The following SUPT3H variants were observed in gnomAD, a reference collection of about 807,000 sequenced individuals.
SUPT3H encodes SPT3 homolog, SAGA and STAGA complex component.
Under a neutral mutation model 44.3 loss-of-function variants are expected in SUPT3H, and 44 were observed. That is an observed-to-expected ratio of 0.99 (90% confidence interval 0.78 to 1.28). The LOEUF (loss-of-function observed/expected upper bound fraction) is 1.28. Ranked by LOEUF, SUPT3H falls within the 50% of genes most tolerant of loss-of-function variation. SUPT3H has a pLI of 0.00. For synonymous variants in SUPT3H, 124 were observed against 125.6 expected (o/e 0.99, Z 0.09); for missense variants, 380 against 387.1 (o/e 0.98, Z 0.15).
chr6:44,952,654 A>G (rs1262694752), intron 9 of SUPT3H, among the ~76,000 whole-genome samples: 5 of 152,242 alleles, frequency 3.3e-5, no homozygotes, highest in Non-Finnish European at 1.5e-5. Context: ...ATTGGCAAAT[A>G]CATTCAAGAC....
chr6:45,094,532 A>G (rs1360593442), intron 3 of SUPT3H, among the ~76,000 whole-genome samples: 1 of 152,136 alleles, frequency 6.6e-6, no homozygotes, highest in Non-Finnish European at 1.5e-5. Flanking sequence ...GAGTGGGAGA[A>G]AGGACTGGGA....
chr6:44,921,123 TCC>T (rs1164671781), intron 10 of SUPT3H, among the ~76,000 whole-genome samples: 1 of 152,172 alleles, frequency 6.6e-6, no homozygotes, highest in Non-Finnish European at 1.5e-5. Flanking sequence ...CATACCTCCC[TCC>T]CAATATATTT....
intron 2 of SUPT3H, among the ~76,000 whole-genome samples, chr6:45,179,151 C>A (rs1189161831): frequency 6.6e-6 from 1 of 152,160 alleles, no homozygotes; most frequent in Non-Finnish European, 1.5e-5. Context: ...AATTCCTCGA[C>A]ACGTACACTC....
At chr6:45,065,047 C>G (rs973943167) in intron 3 of SUPT3H, among the ~76,000 whole-genome samples, 200 of 150,774 alleles carry the variant, frequency 1.3e-3, no homozygotes, top group African/African-American at 4.6e-3. Flanking sequence ...CAAAATTGAC[C>G]ACATACTGGG....
intron 2 of SUPT3H, among the ~76,000 whole-genome samples, chr6:45,251,365 AC>A (rs1772343237): frequency 6.6e-6 from 1 of 150,966 alleles, no homozygotes; most frequent in Non-Finnish European, 1.5e-5. Context: ...TCTTCTTTAA[AC>A]TTATTCTAAA....
chr6:44,989,721 C>A (rs554361887), intron 6 of SUPT3H, among the ~76,000 whole-genome samples: 1 of 152,158 alleles, frequency 6.6e-6, no homozygotes, highest in South Asian at 2.1e-4. Flanking sequence ...CATCTCACTG[C>A]AGCTTTGATT....
chr6:45,092,151 T>A (rs1797201493), intron 3 of SUPT3H, among the ~76,000 whole-genome samples: 1 of 152,146 alleles, frequency 6.6e-6, no homozygotes, highest in Non-Finnish European at 1.5e-5. Flanking sequence ...CTTATCAGCA[T>A]CTGCCTTATT....
intron 4 of SUPT3H, among the ~76,000 whole-genome samples, chr6:45,016,340 AT>A (rs929365586): frequency 3.0e-4 from 46 of 151,506 alleles, no homozygotes; most frequent in East Asian, 9.7e-4. Context: ...TTTTTTATTT[AT>A]TTTTTTATTT....
intron 7 of SUPT3H, among the ~76,000 whole-genome samples, chr6:44,957,921 G>T (rs1349997310): frequency 6.6e-6 from 1 of 152,156 alleles, no homozygotes; most frequent in Non-Finnish European, 1.5e-5. Flanking sequence ...TTCCTTCCCT[G>T]TCATGTGGAG....
At chr6:45,242,347 T>C (rs921358337) in intron 2 of SUPT3H, among the ~76,000 whole-genome samples, 2 of 152,164 alleles carry the variant, frequency 1.3e-5, no homozygotes, top group Non-Finnish European at 2.9e-5. Flanking sequence ...ACCGAAGAGA[T>C]AGTATTTCAC....
At chr6:45,338,643 C>T (rs1478862835) in intron 2 of SUPT3H, among the ~76,000 whole-genome samples, 1 of 152,040 alleles carries the variant, frequency 6.6e-6, no homozygotes, top group African/African-American at 2.4e-5. Flanking sequence ...TACTATCTTT[C>T]TCAAATAGTT....
intron 4 of SUPT3H, among the ~76,000 whole-genome samples, chr6:45,019,381 C>T (rs1461788135): frequency 6.6e-6 from 1 of 151,734 alleles, no homozygotes; most frequent in African/African-American, 2.4e-5. Flanking sequence ...TATTTCTTGC[C>T]TTCTGCTAGC....
rs190873674 is a variant in SUPT3H, at chr6:45,037,148, C to A, written c.187-16516G>T. ...ATTATAAGAAAATGCAAATATAGTA[C>A]CATACACAATTCAGCTATGAATTCA... On this transcript the variant is annotated intron_variant, in intron 3 of 10. Coordinates refer to ENST00000371459, the MANE Select transcript of SUPT3H (RefSeq NM_003599.4). Among the ~76,000 whole-genome samples, 493 of 151,956 alleles carry A rather than the reference C, an allele frequency of 3.2e-3. 1 individual carries two copies. The highest frequency in any genetic ancestry group is 0.011 in the African/African-American group (468 of 41,434).
chr6:45,337,185 A>C (rs1788743533), intron 2 of SUPT3H, among the ~76,000 whole-genome samples: 1 of 151,782 alleles, frequency 6.6e-6, no homozygotes, highest in African/African-American at 2.4e-5. Flanking sequence ...CCAATGACTT[A>C]CAGAATTTTT....
At chr6:45,179,356 G>A (rs1051029479) in intron 2 of SUPT3H, among the ~76,000 whole-genome samples, 1 of 152,060 alleles carries the variant, frequency 6.6e-6, no homozygotes, top group Admixed American at 6.5e-5. Context: ...GAAAAAGAGG[G>A]AATCCTCCCT....
chr6:45,363,940 C>A (rs1794698499), intron 2 of SUPT3H, among the ~76,000 whole-genome samples: 1 of 151,712 alleles, frequency 6.6e-6, no homozygotes, highest in African/African-American at 2.4e-5. Flanking sequence ...CATGGCGAAA[C>A]CCTGTCTCTA....
intron 3 of SUPT3H, among the ~76,000 whole-genome samples, chr6:45,021,001 A>G (rs1785052877): frequency 6.6e-6 from 1 of 151,956 alleles, no homozygotes; most frequent in Non-Finnish European, 1.5e-5. Flanking sequence ...TTGAATAAGT[A>G]TATTATTAAT....
At chr6:45,347,309 G>C (rs1258804257) in intron 2 of SUPT3H, among the ~76,000 whole-genome samples, 1 of 152,098 alleles carries the variant, frequency 6.6e-6, no homozygotes, top group Non-Finnish European at 1.5e-5. Context: ...ATATATGACT[G>C]TTAGGGAACA....
At position 45,007,712 on chromosome 6, in the gene SUPT3H, C is replaced by A. The variant is rs947805638; in HGVS notation, c.365-3920G>T. 5.3e-5 allele frequency among the ~76,000 whole-genome samples: 8 copies of A among 151,740 alleles called. No homozygotes were observed. In the South Asian group the frequency reaches 1.7e-3, roughly 31 times the overall value. ...CTTCCTCTATGTTGGTGCATTACTCCCCTCACCCTAAGTATTCCCCCCCAC... is the reference window on the plus strand; with the variant it reads ...CTTCCTCTATGTTGGTGCATTACTCACCTCACCCTAAGTATTCCCCCCCAC... On this transcript the variant is annotated intron_variant, in intron 5 of 10. Coordinates refer to ENST00000371459, the MANE Select transcript of SUPT3H (RefSeq NM_003599.4).
Sources: allele counts gnomAD v4.1 joint callset (sites outside exome capture counted in the v4.1 genomes callset), GRCh38; gene constraint gnomAD v4.1.1; transcripts MANE v1.5; gene names NCBI Gene and HGNC (gene_info 2026-07-23, HGNC 2026-07-21).